Variants in SLCO1A2 observed in about 807,000 individuals in gnomAD.
SLCO1A2 encodes solute carrier organic anion transporter family member 1A2.
Under a neutral mutation model 69.0 loss-of-function variants are expected in SLCO1A2, and 67 were observed. The observed-to-expected ratio is 0.97, with a 90% CI of 0.80 to 1.19. SLCO1A2 has a LOEUF of 1.19. Among genes scored for constraint, SLCO1A2 ranks in the 50% most tolerant of loss-of-function variants. The pLI is 0.00. For synonymous variants in SLCO1A2, 260 were observed against 265.9 expected (o/e 0.98, Z 0.22); for missense variants, 787 against 793.7 (o/e 0.99, Z 0.10).
At chr12:21,275,709 G>A (rs112034436) in intron 12 of SLCO1A2, among the ~76,000 whole-genome samples, 4,659 of 152,258 alleles carry the variant, frequency 0.031, 67 homozygotes, top group Middle Eastern at 0.051. Flanking sequence ...GGGAGGCCAA[G>A]GCAGACGGAT....
intron 12 of SLCO1A2, among the ~76,000 whole-genome samples, chr12:21,283,254 A>T (rs1214465511): frequency 6.6e-6 from 1 of 152,002 alleles, no homozygotes; most frequent in Admixed American, 6.6e-5. Context: ...GAGAACTCTG[A>T]AAAAAAATCC....
chr12:21,383,132 C>A (rs1286185712), intron 1 of SLCO1A2, among the ~76,000 whole-genome samples: 1 of 151,968 alleles, frequency 6.6e-6, no homozygotes, highest in Admixed American at 6.5e-5. Context: ...GATACTTTTG[C>A]TTTGTTTTAT....
intron 2 of SLCO1A2, chr12:21,324,626 G>A (rs1299989724): frequency 6.6e-6 from 1 of 152,100 alleles, no homozygotes; most frequent in Admixed American, 6.6e-5. Context: ...TGGAGAGAAA[G>A]GTAAATTTGC....
intron 14 of SLCO1A2, among the ~76,000 whole-genome samples, chr12:21,273,513 T>A (rs11045925): frequency 0.092 from 13,958 of 152,240 alleles, 1,066 homozygotes; most frequent in East Asian, 0.35. Context: ...TTGACCAGTC[T>A]AATTGGTCTG....
intron 12 of SLCO1A2, among the ~76,000 whole-genome samples, chr12:21,284,703 C>A (rs1945434480): frequency 1.7e-5 from 1 of 60,544 alleles, no homozygotes; most frequent in Non-Finnish European, 3.2e-5. Flanking sequence ...TTAAGAATCT[C>A]ACTCAAAACC....
upstream of SLCO1A2, among the ~76,000 whole-genome samples, chr12:21,339,167 A>G (rs1242373551): frequency 6.6e-6 from 1 of 152,050 alleles, no homozygotes; most frequent in East Asian, 1.9e-4. Context: ...ACAAATATTT[A>G]TTAAGAATCC....
At chr12:21,291,831 C>T (rs1277107168) in intron 12 of SLCO1A2, among the ~76,000 whole-genome samples, 6 of 152,110 alleles carry the variant, frequency 3.9e-5, no homozygotes, top group African/African-American at 7.2e-5. Context: ...CTGCTAGGCA[C>T]CCACTCTTTA....
chr12:21,361,572 G>A (rs1439366512), intron 2 of SLCO1A2, among the ~76,000 whole-genome samples: 2 of 152,172 alleles, frequency 1.3e-5, no homozygotes, highest in Non-Finnish European at 2.9e-5. Flanking sequence ...GGCTTCAGAA[G>A]ATTGGTAATA....
At chr12:21,370,394 A>G (rs777718710) in intron 2 of SLCO1A2, among the ~76,000 whole-genome samples, 5 of 151,558 alleles carry the variant, frequency 3.3e-5, no homozygotes, top group Non-Finnish European at 7.4e-5. Flanking sequence ...TTTGTTACAT[A>G]TATATACATG....
Position 21,334,883 on chromosome 12 carries a change from G to T in SLCO1A2, c.-119C>A. 2.5e-6 allele frequency: 1 copy of T among 398,894 alleles called. No homozygotes were observed. Among genetic ancestry groups the T allele is most frequent in the Non-Finnish European group, 4.4e-6 (1 of 225,454 alleles). 24.7% of individuals were successfully genotyped at this position (398,894 alleles called of 1,614,324 possible). On this transcript the variant is annotated 5_prime_UTR_variant, in exon 1 of 15. Coordinates refer to ENST00000683939, the MANE Select transcript of SLCO1A2 (RefSeq NM_001386879.1). ...TGGTGTTAGAGAAGATTTAGTTGTT[G>T]GTTTTCTATTTCAAAAGGTACATCA...
chr12:21,361,008 A>C (rs1591880087), intron 2 of SLCO1A2, among the ~76,000 whole-genome samples: 1 of 152,250 alleles, frequency 6.6e-6, no homozygotes, highest in African/African-American at 2.4e-5. Context: ...AGACTTAAAC[A>C]TCCCTGTCTG....
At chr12:21,366,855 A>G (rs73080811) in intron 2 of SLCO1A2, among the ~76,000 whole-genome samples, 10,398 of 152,102 alleles carry the variant, frequency 0.068, 401 homozygotes, top group Middle Eastern at 0.14. Context: ...GAGATTAAAA[A>G]TAGTGAAAAT....
At chr12:21,403,025 G>A (rs1591920025) in intron 1 of SLCO1A2, among the ~76,000 whole-genome samples, 1 of 152,064 alleles carries the variant, frequency 6.6e-6, no homozygotes, top group East Asian at 1.9e-4. Flanking sequence ...TGAAGAACAC[G>A]GGGCTTGATC....
chr12:21,342,283 A>G (rs1953094734), intron 2 of SLCO1A2, among the ~76,000 whole-genome samples: 1 of 152,044 alleles, frequency 6.6e-6, no homozygotes, highest in Non-Finnish European at 1.5e-5. Flanking sequence ...CCACTGCTTC[A>G]AGACCTATTT....
At chr12:21,335,455 A>C (rs1488913777), upstream of SLCO1A2, among the ~76,000 whole-genome samples, 1 of 152,014 alleles carries the variant, frequency 6.6e-6, no homozygotes, top group Non-Finnish European at 1.5e-5. Context: ...TTATATGTAA[A>C]ACAAAAAGTT....
chr12:21,406,435 A>G (rs1475942378), intron 1 of SLCO1A2, among the ~76,000 whole-genome samples: 1 of 152,214 alleles, frequency 6.6e-6, no homozygotes, highest in Non-Finnish European at 1.5e-5. Context: ...AGGAGCCCTG[A>G]TCACTCCTGC....
chr12:21,398,958 C>T (rs1941585396), upstream of SLCO1A2, among the ~76,000 whole-genome samples: 1 of 150,668 alleles, frequency 6.6e-6, no homozygotes, highest in Non-Finnish European at 1.5e-5. Flanking sequence ...CCTTTGAAAA[C>T]TGGCACAAGA....
At chr12:21,357,766 C>T (rs1938487953) in intron 2 of SLCO1A2, among the ~76,000 whole-genome samples, 2 of 151,988 alleles carry the variant, frequency 1.3e-5, no homozygotes, top group Admixed American at 1.3e-4. Context: ...TCTAAAGCTC[C>T]TAATCTGTAT....
At chr12:21,375,644 C>T (rs1165281045) in intron 1 of SLCO1A2, among the ~76,000 whole-genome samples, 1 of 152,170 alleles carries the variant, frequency 6.6e-6, no homozygotes, top group Non-Finnish European at 1.5e-5. Context: ...GATGCAATCA[C>T]TAGGATCTCC....
Sources: gnomAD v4.1 joint callset for allele counts (sites outside exome capture counted in the v4.1 genomes callset) on GRCh38, gnomAD v4.1.1 for gene constraint, MANE v1.5 for transcripts, NCBI Gene and HGNC (gene_info 2026-07-23, HGNC 2026-07-21) for gene names.